CSMD1: variants seen among roughly 807,000 people sequenced by gnomAD.
CSMD1 encodes CUB and Sushi multiple domains 1, also known as CUB and sushi domain-containing protein 1.
Under a neutral mutation model 417.5 loss-of-function variants are expected in CSMD1, and 213 were observed. The observed-to-expected ratio is 0.51, with a 90% CI of 0.46 to 0.57. CSMD1 has a LOEUF of 0.57. Ranked by LOEUF, CSMD1 falls within the 20% of genes least tolerant of loss-of-function variation. The probability of loss-of-function intolerance (pLI) is 0.00; values close to 1 mark genes in which losing one functional copy is unlikely to be tolerated. For missense variants in CSMD1, 6,923 were observed against 4,529.7 expected (o/e 1.53, Z -15.17); for synonymous variants, 2,862 against 1,736.8 (o/e 1.65, Z -16.11).
At chr8:4,200,089 T>C (rs1007591773) in intron 3 of CSMD1, among the ~76,000 whole-genome samples, 4 of 152,216 alleles carry the variant, frequency 2.6e-5, no homozygotes, top group African/African-American at 9.7e-5. Flanking sequence ...TATATTTTTA[T>C]GTAATAAGTT....
At chr8:3,131,217 T>C (rs145338195) in intron 41 of CSMD1, among the ~76,000 whole-genome samples, 16 of 152,290 alleles carry the variant, frequency 1.1e-4, no homozygotes, top group African/African-American at 3.6e-4. Flanking sequence ...AAACAACACA[T>C]GGCCAAGTCT....
chr8:4,759,931 C>T (rs949815201), intron 1 of CSMD1, among the ~76,000 whole-genome samples: 4 of 152,096 alleles, frequency 2.6e-5, no homozygotes, highest in African/African-American at 4.8e-5. Flanking sequence ...TATACCTAAA[C>T]ATGGAATTAC....
At chr8:4,684,623 A>G (rs1806257534) in intron 1 of CSMD1, among the ~76,000 whole-genome samples, 1 of 152,168 alleles carries the variant, frequency 6.6e-6, no homozygotes. Context: ...GAAAATTAGG[A>G]ATGATATTAA....
chr8:4,716,673 C>A (rs1022890128), intron 1 of CSMD1, among the ~76,000 whole-genome samples: 1 of 152,092 alleles, frequency 6.6e-6, no homozygotes, highest in African/African-American at 2.4e-5. Flanking sequence ...TATTTAAATT[C>A]TAAATATATC....
chr8:3,074,800 C>T (rs972227992), intron 49 of CSMD1, among the ~76,000 whole-genome samples: 2 of 152,056 alleles, frequency 1.3e-5, no homozygotes, highest in Non-Finnish European at 2.9e-5. Context: ...TATGCCATAT[C>T]ATGGAAAGTG....
chr8:4,418,201 G>C (rs192768035), intron 3 of CSMD1, among the ~76,000 whole-genome samples: 1 of 151,666 alleles, frequency 6.6e-6, no homozygotes, highest in South Asian at 2.1e-4. Flanking sequence ...ATTTCAAATC[G>C]AAATACCACA....
intron 2 of CSMD1, among the ~76,000 whole-genome samples, chr8:4,628,127 A>G (rs1025942162): frequency 3.3e-5 from 5 of 151,232 alleles, no homozygotes; most frequent in African/African-American, 1.2e-4. Context: ...GTGTGTGTAT[A>G]TATATATATA....
chr8:3,118,558 G>C lies in CSMD1; in HGVS notation c.6271C>G (p.Pro2091Ala), dbSNP rs1049387931. The change falls in exon 42 of 70, where the codon CCC (proline) becomes GCC (alanine). Residue 2091 changes from proline to alanine, a missense_variant. Physicochemically the swap from Pro to Ala is conservative, Grantham distance 27. Transcript: ENST00000635120. Reference sequence around the variant, plus strand: ...ATCATGTACCCATTCTGAAATGGGGGTGGATCTGGACAGTTCTGTAATTCA... The same window carrying C: ...ATCATGTACCCATTCTGAAATGGGGCTGGATCTGGACAGTTCTGTAATTCA... Reference protein sequence around the residue: ...AYELQNCPDPPPFQNGYMINS... With the variant: ...AYELQNCPDPAPFQNGYMINS... 1.2e-6 allele frequency: 2 copies of C among 1,613,908 alleles called. No individual in the cohort carries two copies. The highest frequency in any genetic ancestry group is 1.1e-5 in the South Asian group (1 of 91,072).
At chr8:3,680,469 C>G (rs1799594087) in intron 7 of CSMD1, among the ~76,000 whole-genome samples, 1 of 152,146 alleles carries the variant, frequency 6.6e-6, no homozygotes, top group Non-Finnish European at 1.5e-5. Context: ...CACATACACC[C>G]TCCCAAGACT....
intron 5 of CSMD1, among the ~76,000 whole-genome samples, chr8:3,837,622 GT>G (rs1468269278): frequency 6.6e-6 from 1 of 152,154 alleles, no homozygotes; most frequent in Non-Finnish European, 1.5e-5. Context: ...TCTAGCGTTT[GT>G]GGAATTTTCT....
chr8:4,775,509 T>C (rs148546210), intron 1 of CSMD1, among the ~76,000 whole-genome samples: 1 of 152,334 alleles, frequency 6.6e-6, no homozygotes, highest in East Asian at 1.9e-4. Flanking sequence ...ATTTTCCTTG[T>C]AAGAATTCAG....
At chr8:3,217,313 C>T (rs1310074470) in intron 29 of CSMD1, among the ~76,000 whole-genome samples, 1 of 152,216 alleles carries the variant, frequency 6.6e-6, no homozygotes, top group African/African-American at 2.4e-5. Context: ...GGAACTACAG[C>T]CTCCAGTTAG....
intron 7 of CSMD1, among the ~76,000 whole-genome samples, chr8:3,670,878 T>C (rs940924129): frequency 6.8e-4 from 102 of 149,568 alleles, no homozygotes; most frequent in African/African-American, 2.3e-3. Flanking sequence ...TATATGTATA[T>C]GGGATATATA....
At chr8:4,983,289 T>A (rs928136978) in intron 1 of CSMD1, among the ~76,000 whole-genome samples, 8 of 152,208 alleles carry the variant, frequency 5.3e-5, no homozygotes, top group Non-Finnish European at 1.2e-4. Flanking sequence ...TCAACGAGTG[T>A]TTTCACAAAA....
chr8:3,386,802 G>C (rs889419247), intron 18 of CSMD1, among the ~76,000 whole-genome samples: 5 of 152,132 alleles, frequency 3.3e-5, no homozygotes, highest in Middle Eastern at 3.4e-3. Flanking sequence ...GTTATACTGG[G>C]GTTATATTCA....
intron 1 of CSMD1, among the ~76,000 whole-genome samples, chr8:4,945,423 G>T (rs80196946): frequency 1.3e-5 from 2 of 151,422 alleles, no homozygotes; most frequent in Admixed American, 6.6e-5. Flanking sequence ...TATTTTTACC[G>T]CAATTTAAAA....
chr8:4,880,644 G>A (rs993181915), intron 1 of CSMD1, among the ~76,000 whole-genome samples: 1 of 151,974 alleles, frequency 6.6e-6, no homozygotes, highest in Non-Finnish European at 1.5e-5. Flanking sequence ...GAAGCGTCCC[G>A]ATGAAGCAAT....
chr8:3,391,577 T>C (rs1355679542), intron 17 of CSMD1, among the ~76,000 whole-genome samples: 1 of 152,170 alleles, frequency 6.6e-6, no homozygotes, highest in Non-Finnish European at 1.5e-5. Context: ...ACATATGAGA[T>C]GATTCCTAAG....
At chr8:3,026,986 C>T (rs968031816) in intron 51 of CSMD1, among the ~76,000 whole-genome samples, 1 of 152,064 alleles carries the variant, frequency 6.6e-6, no homozygotes, top group Non-Finnish European at 1.5e-5. Flanking sequence ...GCCATTAAGG[C>T]TTGTAAATTT....
Sources: allele counts gnomAD v4.1 joint callset (sites outside exome capture counted in the v4.1 genomes callset), GRCh38; gene constraint gnomAD v4.1.1; transcripts MANE v1.5; gene names NCBI Gene and HGNC (gene_info 2026-07-23, HGNC 2026-07-21).